The following GPHN variants were observed in gnomAD, a reference collection of about 807,000 sequenced individuals.
GPHN encodes gephyrin.
Under a neutral mutation model 95.5 loss-of-function variants are expected in GPHN, and 17 were observed. That is an observed-to-expected ratio of 0.18 (90% CI 0.12 to 0.27). The LOEUF (loss-of-function observed/expected upper bound fraction) is 0.27. Among genes scored for constraint, GPHN ranks in the 10% least tolerant of loss-of-function variants. The pLI is 1.00. For synonymous variants in GPHN, 320 were observed against 322.5 expected (o/e 0.99, Z 0.08); for missense variants, 660 against 978.1 (o/e 0.67, Z 4.34).
chr14:66,855,957 C>G (rs1228554900), intron 4 of GPHN, among the ~76,000 whole-genome samples: 8 of 152,042 alleles, frequency 5.3e-5, no homozygotes, highest in Non-Finnish European at 1.2e-4. Context: ...GTAAAGATAT[C>G]CTAACATTCA....
At chr14:67,722,398 CCTTGACT>C in the GPHN span, 1 of 589,356 alleles carries the variant, frequency 1.7e-6, no homozygotes. Context: ...AAGCTTCAAA[CCTTGACT>C]CCATCCCCTC....
At chr14:67,428,147 G>A in the GPHN span, among the ~76,000 whole-genome samples, 2 of 152,074 alleles carry the variant, frequency 1.3e-5, no homozygotes, top group African/African-American at 4.8e-5. Flanking sequence ...TCAAACACCT[G>A]ACCTCAAGCG....
At chr14:66,883,121 T>C (rs1385494150) in intron 5 of GPHN, among the ~76,000 whole-genome samples, 2 of 151,868 alleles carry the variant, frequency 1.3e-5, no homozygotes, top group Non-Finnish European at 2.9e-5. Flanking sequence ...ATTTGGGAAA[T>C]TTCCTTTTTT....
the GPHN span, among the ~76,000 whole-genome samples, chr14:67,537,006 C>T: frequency 2.0e-5 from 3 of 150,646 alleles, no homozygotes; most frequent in African/African-American, 7.4e-5. Flanking sequence ...CACCATTGTA[C>T]TCCAGCCTGG....
At chr14:67,492,061 TGTCCTTTC>T in the GPHN span, among the ~76,000 whole-genome samples, 1 of 152,130 alleles carries the variant, frequency 6.6e-6, no homozygotes, top group Non-Finnish European at 1.5e-5. Context: ...GGAGGCCACC[TGTCCTTTC>T]CCTCTCCTCT....
the GPHN span, among the ~76,000 whole-genome samples, chr14:67,323,261 G>GTGTGTGTGTGTGTGTATATA: frequency 2.4e-5 from 3 of 124,140 alleles, no homozygotes; most frequent in African/African-American, 8.2e-5. Context: ...GTGTGTGTGT[G>GTGTGTGTGTGTGTGTATATA]TATATATATA....
chr14:66,869,264 A>T (rs959824035), intron 4 of GPHN, among the ~76,000 whole-genome samples: 5 of 152,242 alleles, frequency 3.3e-5, no homozygotes, highest in Admixed American at 3.3e-4. Context: ...AGATACAGAT[A>T]ACCTTTATTT....
chr14:67,310,999 A>G, the GPHN span, among the ~76,000 whole-genome samples: 57 of 152,114 alleles, frequency 3.7e-4, no homozygotes, highest in African/African-American at 1.3e-3. Flanking sequence ...TATAACCTCA[A>G]TTATGGTGAG....
intron 21 of GPHN, among the ~76,000 whole-genome samples, chr14:67,177,996 CGATGGGTCT>C (rs1163631752): frequency 1.3e-5 from 2 of 152,082 alleles, no homozygotes; most frequent in Admixed American, 1.3e-4. Context: ...TACAGCACAC[CGATGGGTCT>C]TGACTGTCCA....
intron 1 of GPHN, among the ~76,000 whole-genome samples, chr14:66,559,030 T>G (rs1328106760): frequency 6.6e-6 from 1 of 152,088 alleles, no homozygotes; most frequent in Non-Finnish European, 1.5e-5. Flanking sequence ...GAATGATGAT[T>G]TCCAATTTCA....
intron 9 of GPHN, among the ~76,000 whole-genome samples, chr14:67,021,543 G>A (rs777667334): frequency 3.3e-5 from 5 of 152,040 alleles, no homozygotes; most frequent in Admixed American, 2.6e-4. Context: ...CCTAGGGAAC[G>A]GGAGAGGGTA....
At chr14:67,363,285 T>C in the GPHN span, among the ~76,000 whole-genome samples, 5 of 152,060 alleles carry the variant, frequency 3.3e-5, no homozygotes, top group Admixed American at 3.3e-4. Context: ...ATTGAATGTC[T>C]ACTTCTCTTT....
chr14:66,656,669 ATGATGGTGATCTC>A lies in GPHN; in HGVS notation c.65-24433_65-24421del, dbSNP rs144705579. On this transcript the variant is annotated intron_variant, in intron 1 of 22. Transcript: ENST00000478722. ...AAACTTTTTAATAATGACTGTATCT[ATGATGGTGATCTC>A]TGATCAGTGATGTTTGATGTTACTC... Among the ~76,000 whole-genome samples, 6,430 of 152,226 alleles carry A rather than the reference ATGATGGTGATCTC, an allele frequency of 0.042. 836 individuals are homozygous for A. The East Asian group carries it at 0.43, about 10-fold the overall frequency.
chr14:67,541,859 G>A, the GPHN span: 2 of 1,587,850 alleles, frequency 1.3e-6, no homozygotes, highest in African/African-American at 1.4e-5. Flanking sequence ...TCCAGAAGTC[G>A]ATTCCATCAT....
chr14:66,524,539 G>A (rs2058610793), intron 1 of GPHN, among the ~76,000 whole-genome samples: 1 of 152,052 alleles, frequency 6.6e-6, no homozygotes, highest in African/African-American at 2.4e-5. Context: ...GGGTACCTGT[G>A]CAGAACATGC....
intron 3 of GPHN, among the ~76,000 whole-genome samples, chr14:66,820,365 A>G (rs78825276): frequency 0.013 from 1,910 of 152,274 alleles, 19 homozygotes; most frequent in Non-Finnish European, 0.018. Flanking sequence ...GAAACCAGAG[A>G]CAACATATAG....
intron 19 of GPHN, among the ~76,000 whole-genome samples, chr14:67,164,074 G>A (rs1204896362): frequency 1.3e-5 from 2 of 151,850 alleles, no homozygotes; most frequent in South Asian, 2.1e-4. Context: ...TTCAAGACCA[G>A]CCTGACCAAC....
chr14:67,409,966 G>A, the GPHN span, among the ~76,000 whole-genome samples: 1 of 152,126 alleles, frequency 6.6e-6, no homozygotes, highest in African/African-American at 2.4e-5. Flanking sequence ...GCAGGGAGGG[G>A]TGTGACTTCT....
At chr14:67,390,214 T>A in the GPHN span, among the ~76,000 whole-genome samples, 1 of 152,182 alleles carries the variant, frequency 6.6e-6, no homozygotes, top group Non-Finnish European at 1.5e-5. Flanking sequence ...ATTAGTAAAT[T>A]ATGGCTTAAA....
Sources: allele counts gnomAD v4.1 joint callset (sites outside exome capture counted in the v4.1 genomes callset), GRCh38; gene constraint gnomAD v4.1.1; transcripts MANE v1.5; gene names NCBI Gene and HGNC (gene_info 2026-07-23, HGNC 2026-07-21).